Variants in TTI1 observed in about 807,000 individuals in gnomAD.
TTI1 encodes TELO2-interacting protein 1 homolog.
In TTI1, 52 loss-of-function variants were observed where a neutral mutation model predicts 85.4. The observed-to-expected ratio is 0.61, with a 90% CI of 0.49 to 0.77. The LOEUF (loss-of-function observed/expected upper bound fraction) is 0.77, where lower values mean the gene tolerates loss of function less well. TTI1 is among the 30% of genes least tolerant of loss of function. The probability of loss-of-function intolerance (pLI) is 0.00; values close to 1 mark genes in which losing one functional copy is unlikely to be tolerated. For missense variants in TTI1, 1,173 were observed against 1,296.0 expected (o/e 0.91, Z 1.46); for synonymous variants, 512 against 503.9 (o/e 1.02, Z -0.22).
At chr20:38,016,338 G>T (rs1431340958) in intron 1 of TTI1, among the ~76,000 whole-genome samples, 2 of 152,140 alleles carry the variant, frequency 1.3e-5, no homozygotes, top group African/African-American at 2.4e-5. Flanking sequence ...AAAATCAGAG[G>T]GTGTCTTGTA....
rs770337307 is a variant in TTI1, at chr20:38,006,274, A to G, written c.2426T>C (p.Ile809Thr). The change falls in exon 3 of 8, where the codon ATC (isoleucine) becomes ACC (threonine). Residue 809 changes from isoleucine (I) to threonine (T), a missense_variant. By Grantham distance (89) the Ile-to-Thr change is moderately conservative. Coordinates refer to ENST00000373447, the MANE Select transcript of TTI1 (RefSeq NM_001303457.2). ...GAGGTAGTTCAGCAAAAACTGTTCG[A>G]TGTCTTCAGCTGTGGTGGTGCTCTT... is the stretch of plus-strand genomic sequence containing the variant. The part of the protein sequence containing the change: ...LEKSTTTAED[I>T]EQFLLNYLKE... The G allele has an allele frequency of 3.7e-6, 6 of 1,614,138 alleles. No individual in the cohort carries two copies. Among genetic ancestry groups the G allele is most frequent in the Non-Finnish European group, 5.1e-6 (6 of 1,180,014 alleles).
In TTI1 at chr20:38,013,319, T is replaced by C. The variant is rs200678916; in HGVS notation, c.498A>G (p.Lys166=). Residue 166 remains lysine, a synonymous_variant, in exon 2 of 8, where the codon AAA becomes AAG. Coordinates refer to ENST00000373447, the MANE Select transcript of TTI1 (RefSeq NM_001303457.2). The part of the protein sequence containing the change: ...SLLLGLAEQE[K]SKQIKIAALK... ...AGGCAGCAATTTTAATTTGCTTTGATTTCTCCTGTTCTGCAAGGCCTAACA... is the reference window on the plus strand; with the variant it reads ...AGGCAGCAATTTTAATTTGCTTTGACTTCTCCTGTTCTGCAAGGCCTAACA... 29 of 1,614,002 alleles carry C rather than the reference T, an allele frequency of 1.8e-5. No individual in the cohort carries two copies. Among genetic ancestry groups the C allele is most frequent in the Non-Finnish European group, 2.5e-5 (29 of 1,180,036 alleles).
At chr20:38,031,746 C>T (rs2073910197) in intron 1 of TTI1, among the ~76,000 whole-genome samples, 1 of 152,200 alleles carries the variant, frequency 6.6e-6, no homozygotes. Context: ...AATTTGGGAT[C>T]AGACATAAGA....
At chr20:37,990,787 G>A (rs1040985253) in intron 7 of TTI1, among the ~76,000 whole-genome samples, 1 of 152,106 alleles carries the variant, frequency 6.6e-6, no homozygotes, top group Non-Finnish European at 1.5e-5. Context: ...ATCTGTCATC[G>A]AGAACATTCT....
chr20:38,009,174 C>T (rs1037147398), intron 2 of TTI1, among the ~76,000 whole-genome samples: 4 of 152,094 alleles, frequency 2.6e-5, no homozygotes, highest in African/African-American at 9.7e-5. Flanking sequence ...TAGCATAGGT[C>T]GCTAAAGCAG....
Position 38,013,846 on chromosome 20 carries a change from A to C in TTI1, c.-30T>G. 1.3e-6 allele frequency: 2 copies of C among 1,588,670 alleles called. No individual in the cohort carries two copies. Among genetic ancestry groups the C allele is most frequent in the Non-Finnish European group, 1.7e-6 (2 of 1,169,046 alleles). ...CAGCAGCCTTCCCCTCATTGAGGAA[A>C]CATCCTGCAGGCTGGAGGAAGGAAA... On this transcript the variant is annotated 5_prime_UTR_variant, in exon 2 of 8. Transcript: ENST00000373447.
chr20:38,015,456 T>C (rs548510198), intron 1 of TTI1, among the ~76,000 whole-genome samples: 2 of 152,172 alleles, frequency 1.3e-5, no homozygotes, highest in Admixed American at 6.5e-5. Flanking sequence ...GCTCATACAC[T>C]GATGAACCAG....
chr20:38,004,944 A>C (rs1199730679), intron 3 of TTI1, among the ~76,000 whole-genome samples: 1 of 152,194 alleles, frequency 6.6e-6, no homozygotes, highest in Non-Finnish European at 1.5e-5. Flanking sequence ...TGAGAAGAAA[A>C]AGCCTGATAG....
chr20:38,026,252 C>T (rs2073835471), intron 1 of TTI1, among the ~76,000 whole-genome samples: 1 of 152,126 alleles, frequency 6.6e-6, no homozygotes, highest in Admixed American at 6.6e-5. Flanking sequence ...CTCCGCCTGC[C>T]AGGTTCAAAT....
intron 4 of TTI1, 129 bp from the exon 5 acceptor site, chr20:37,999,457 A>C (rs1259411999): frequency 5.9e-6 from 6 of 1,018,034 alleles, no homozygotes; most frequent in Non-Finnish European, 7.7e-6. Flanking sequence ...TGCTGACTAC[A>C]TGCCAAGCAC....
chr20:37,999,233 G>A lies in TTI1; in HGVS notation c.2748C>T (p.His916=), dbSNP rs1304203732. Residue 916 remains histidine, a synonymous_variant, in exon 5 of 8, where the codon CAC becomes CAT. Transcript: ENST00000373447. The part of the protein sequence containing the change: ...LAHQAWPSLV[H]RLTRDAPLAV... ...CCAGGGGGGCGTCCCGTGTGAGTCG[G>A]TGAACGAGCGAGGGCCAGGCCTGAT... 1.3e-6 allele frequency: 2 copies of A among 1,520,268 alleles called. No homozygotes were observed. The highest frequency in any genetic ancestry group is 1.4e-5 in the African/African-American group (1 of 70,822). The allele number at this position is 1,520,268 out of a possible 1,614,324, so 94.2% of individuals were successfully genotyped here.
rs749318771 is a variant in TTI1 at position 38,013,847 on chromosome 20, C to T, written c.-31G>A. On this transcript the variant is annotated 5_prime_UTR_variant, in exon 2 of 8. It removes an upstream start codon present in the reference 5' UTR. Transcript: ENST00000373447. ...AGCAGCCTTCCCCTCATTGAGGAAA[C>T]ATCCTGCAGGCTGGAGGAAGGAAAC... The T allele has an allele frequency of 1.9e-6, 3 of 1,584,238 alleles. No individual in the cohort carries two copies. Among genetic ancestry groups the T allele is most frequent in the South Asian group, 2.3e-5 (2 of 87,646 alleles).
chr20:38,009,799 G>A (rs1600633752), intron 2 of TTI1, among the ~76,000 whole-genome samples: 1 of 152,100 alleles, frequency 6.6e-6, no homozygotes, highest in South Asian at 2.1e-4. Context: ...CACGGCACCC[G>A]GCCTGAATGT....
At chr20:37,989,328 C>A (rs1412256663) in intron 7 of TTI1, among the ~76,000 whole-genome samples, 1 of 152,190 alleles carries the variant, frequency 6.6e-6, no homozygotes, top group Non-Finnish European at 1.5e-5. Context: ...ATGGGCAGGA[C>A]TTAAAACCGT....
chr20:38,028,746 T>C (rs549269334), intron 1 of TTI1, among the ~76,000 whole-genome samples: 189 of 152,204 alleles, frequency 1.2e-3, no homozygotes, highest in Non-Finnish European at 2.2e-3. Context: ...TCTCACTCTA[T>C]TGCTCAGGCT....
Position 38,013,142 on chromosome 20 carries a change from A to C in TTI1, c.675T>G (p.Phe225Leu). The change falls in exon 2 of 8, where the codon TTT becomes TTG. Residue 225 changes from phenylalanine (F) to leucine (L), a missense_variant. Transcript: ENST00000373447. ...TALTRLITGD[F>L]KQGHSIVVSS... ...ATACGACAATGCTGTGACCTTGTTT[A>C]AAGTCTCCTGTGATAAGCCTGGTCA... 6.2e-7 allele frequency: 1 copy of C among 1,614,182 alleles called. No individual in the cohort carries two copies. The highest frequency in any genetic ancestry group is 8.5e-7 in the Non-Finnish European group (1 of 1,180,044).
In TTI1 at chr20:38,006,364, T is replaced by A; in HGVS notation, c.2336A>T (p.His779Leu). 6.2e-7 allele frequency: 1 copy of A among 1,614,198 alleles called. No homozygotes were observed. ...TTCTCCTAAACTTTGCTCTTGGAGG[T>A]GCCCAAGATTACCTGTGTCTGGGAA... The part of the protein sequence containing the change: ...QWFPDTGNLG[H>L]LQEQSLGEEG... The change falls in exon 3 of 8, where the codon CAC becomes CTC. Residue 779 changes from histidine to leucine, a missense_variant. Coordinates refer to ENST00000373447, the MANE Select transcript of TTI1 (RefSeq NM_001303457.2).
chr20:38,020,320 AAAAATATATAT>A (rs1158388769), intron 1 of TTI1, among the ~76,000 whole-genome samples: 6 of 80,300 alleles, frequency 7.5e-5, no homozygotes, highest in African/African-American at 3.3e-4. Flanking sequence ...GAAAAAAAAA[AAAAATATATAT>A]ATATATATAT....
chr20:38,017,009 C>A (rs1483423510), intron 1 of TTI1, among the ~76,000 whole-genome samples: 1 of 152,170 alleles, frequency 6.6e-6, no homozygotes, highest in Non-Finnish European at 1.5e-5. Flanking sequence ...ATTTATAAAA[C>A]TTGCAATTTT....
Sources: allele counts gnomAD v4.1 joint callset (sites outside exome capture counted in the v4.1 genomes callset), GRCh38; gene constraint gnomAD v4.1.1; transcripts MANE v1.5; gene names NCBI Gene and HGNC (gene_info 2026-07-23, HGNC 2026-07-21).